Variants in FRMD5 observed in about 807,000 individuals in gnomAD.
The protein encoded by FRMD5 is FERM domain containing 5.
FRMD5 carries 20 observed loss-of-function variants against 69.0 expected under a neutral mutation model. The ratio of observed to expected loss-of-function variants is 0.29; its 90% confidence interval spans 0.20 to 0.42. FRMD5 has a LOEUF of 0.42. Ranked by LOEUF, FRMD5 falls within the 10% of genes least tolerant of loss-of-function variation. The pLI, the probability that FRMD5 is intolerant of heterozygous loss-of-function variation, is 1.00. For missense variants in FRMD5, 595 were observed against 708.6 expected (o/e 0.84, Z 1.82); for synonymous variants, 271 against 260.1 (o/e 1.04, Z -0.40).
intron 1 of FRMD5, among the ~76,000 whole-genome samples, chr15:44,144,036 C>T (rs1425271437): frequency 6.6e-6 from 1 of 151,662 alleles, no homozygotes; most frequent in Non-Finnish European, 1.5e-5. Context: ...AAAACAATGC[C>T]AGATATTCTG....
intron 1 of FRMD5, among the ~76,000 whole-genome samples, chr15:44,038,611 A>T (rs546136017): frequency 6.9e-6 from 1 of 144,160 alleles, no homozygotes; most frequent in East Asian, 2.1e-4. Flanking sequence ...CAGCAAGATC[A>T]ATGCAGAAAA....
At chr15:43,876,844 G>C (rs1166435958) in intron 13 of FRMD5, among the ~76,000 whole-genome samples, 1 of 152,186 alleles carries the variant, frequency 6.6e-6, no homozygotes, top group Non-Finnish European at 1.5e-5. Context: ...AGACACTTCA[G>C]AGCACAAAAC....
intron 1 of FRMD5, among the ~76,000 whole-genome samples, chr15:44,072,102 G>A (rs1893565740): frequency 6.6e-6 from 1 of 152,146 alleles, no homozygotes; most frequent in South Asian, 2.1e-4. Context: ...TTGACCTCAG[G>A]TGATCCACCC....
intron 1 of FRMD5, among the ~76,000 whole-genome samples, chr15:44,133,208 G>T (rs1595502667): frequency 7.0e-6 from 1 of 143,852 alleles, no homozygotes; most frequent in East Asian, 2.1e-4. Context: ...GCGAGACTCC[G>T]TCTCAAAAAA....
chr15:43,891,020 A>C (rs1384137612), intron 8 of FRMD5, among the ~76,000 whole-genome samples: 2 of 152,080 alleles, frequency 1.3e-5, no homozygotes, highest in Non-Finnish European at 2.9e-5. Context: ...AACCAAACAG[A>C]CTTCCCCCCA....
chr15:44,175,115 T>C (rs1319038598), intron 1 of FRMD5, among the ~76,000 whole-genome samples: 1 of 152,200 alleles, frequency 6.6e-6, no homozygotes, highest in African/African-American at 2.4e-5. Flanking sequence ...CATTTTTGTT[T>C]AACAGAGGCA....
chr15:43,989,619 G>A (rs1595594007), intron 1 of FRMD5: 1 of 863,392 alleles, frequency 1.2e-6, no homozygotes, highest in Non-Finnish European at 2.0e-6. Context: ...ACCTTCATGA[G>A]GTAGTCAGTC....
intron 1 of FRMD5, among the ~76,000 whole-genome samples, chr15:44,035,602 T>G (rs767013888): frequency 6.6e-6 from 1 of 152,204 alleles, no homozygotes; most frequent in African/African-American, 2.4e-5. Flanking sequence ...AAAAAATGCC[T>G]GTTATGATGT....
chr15:44,101,890 G>A (rs2076646344), intron 1 of FRMD5, among the ~76,000 whole-genome samples: 1 of 152,158 alleles, frequency 6.6e-6, no homozygotes, highest in Non-Finnish European at 1.5e-5. Flanking sequence ...TTAAATCACA[G>A]ATTTGGAGGT....
At chr15:43,875,366 ATATATAT>A (rs2088310633) in intron 13 of FRMD5, among the ~76,000 whole-genome samples, 18 of 79,766 alleles carry the variant, frequency 2.3e-4, no homozygotes, top group African/African-American at 5.2e-4. Flanking sequence ...AAAAAAAAAT[ATATATAT>A]ATATATATAT....
At chr15:44,080,012 C>T (rs1346826957) in intron 1 of FRMD5, among the ~76,000 whole-genome samples, 1 of 151,828 alleles carries the variant, frequency 6.6e-6, no homozygotes, top group African/African-American at 2.4e-5. Context: ...TTTAAAAGTG[C>T]TGGGGATGAA....
intron 1 of FRMD5, among the ~76,000 whole-genome samples, chr15:43,931,278 T>C (rs1022077029): frequency 6.6e-6 from 1 of 152,240 alleles, no homozygotes; most frequent in African/African-American, 2.4e-5. Flanking sequence ...GGACTAGTCA[T>C]GTCACAGCTG....
chr15:44,091,133 A>C (rs2076466584), intron 1 of FRMD5, among the ~76,000 whole-genome samples: 1 of 152,096 alleles, frequency 6.6e-6, no homozygotes, highest in African/African-American at 2.4e-5. Flanking sequence ...GTCAAACACA[A>C]TTTTCTCTCT....
intron 1 of FRMD5, among the ~76,000 whole-genome samples, chr15:44,052,226 T>C (rs1892699541): frequency 1.3e-5 from 2 of 152,228 alleles, no homozygotes; most frequent in African/African-American, 4.8e-5. Flanking sequence ...TTTTATACTT[T>C]GGGTTACAAT....
At chr15:44,067,380 T>C (rs1266846307) in intron 1 of FRMD5, among the ~76,000 whole-genome samples, 1 of 152,202 alleles carries the variant, frequency 6.6e-6, no homozygotes, top group Admixed American at 6.5e-5. Context: ...ATGGTCATAT[T>C]CAAAATGTAA....
chr15:43,977,342 C>G (rs2090479578), intron 1 of FRMD5, among the ~76,000 whole-genome samples: 1 of 152,120 alleles, frequency 6.6e-6, no homozygotes, highest in Admixed American at 6.5e-5. Context: ...GGAAAAATGG[C>G]ATCACTATTG....
intron 1 of FRMD5, among the ~76,000 whole-genome samples, chr15:43,930,523 G>A (rs2140463249): frequency 6.6e-6 from 1 of 152,342 alleles, no homozygotes; most frequent in South Asian, 2.1e-4. Flanking sequence ...GGCTCCTGGA[G>A]GAGTGGTGAG....
At chr15:44,169,103 T>C (rs189063125) in intron 1 of FRMD5, among the ~76,000 whole-genome samples, 38 of 152,330 alleles carry the variant, frequency 2.5e-4, no homozygotes, top group African/African-American at 8.2e-4. Flanking sequence ...ATAAAAATTA[T>C]GCATCTAATA....
chr15:44,195,507 T>C (rs922197909), upstream of FRMD5, among the ~76,000 whole-genome samples: 38 of 152,226 alleles, frequency 2.5e-4, no homozygotes, highest in Middle Eastern at 3.2e-3. Flanking sequence ...CCGTGGTTCC[T>C]ATGGATGCTG....
Sources: allele counts gnomAD v4.1 joint callset (sites outside exome capture counted in the v4.1 genomes callset), GRCh38; gene constraint gnomAD v4.1.1; transcripts MANE v1.5; gene names NCBI Gene and HGNC (gene_info 2026-07-23, HGNC 2026-07-21).